KMT2E: variants seen among roughly 807,000 people sequenced by gnomAD.
KMT2E encodes lysine methyltransferase 2E (inactive).
Under a neutral mutation model 184.6 loss-of-function variants are expected in KMT2E, and 30 were observed. That is an observed-to-expected ratio of 0.16 (90% CI 0.12 to 0.22). The LOEUF (loss-of-function observed/expected upper bound fraction) is 0.22, where lower values mean the gene tolerates loss of function less well. Ranked by LOEUF, KMT2E falls within the 10% of genes least tolerant of loss-of-function variation. KMT2E has a pLI of 1.00. For synonymous variants in KMT2E, 815 were observed against 776.5 expected (o/e 1.05, Z -0.82); for missense variants, 2,023 against 2,237.4 (o/e 0.90, Z 1.93).
chr7:105,101,371 T>C (rs1474125345), intron 15 of KMT2E, 54 bp from the exon 16 acceptor site: 26 of 1,249,000 alleles, frequency 2.1e-5, no homozygotes, highest in Non-Finnish European at 2.5e-5. Flanking sequence ...TTGGACTTAA[T>C]TTTACTTTTG....
At chr7:105,084,040 A>G (rs1292401853) in intron 13 of KMT2E, among the ~76,000 whole-genome samples, 2 of 152,188 alleles carry the variant, frequency 1.3e-5, no homozygotes, top group Admixed American at 6.5e-5. Flanking sequence ...TAAAAGCTTC[A>G]TTTGCAATAC....
intron 17 of KMT2E, chr7:105,105,099 C>T (rs534129390): frequency 1.5e-4 from 27 of 175,332 alleles, no homozygotes; most frequent in Middle Eastern, 5.1e-3. Flanking sequence ...GCCCAGGGGG[C>T]GGAGGCTTCA....
At chr7:105,023,257 C>T (rs940819947) in intron 1 of KMT2E, among the ~76,000 whole-genome samples, 4 of 151,888 alleles carry the variant, frequency 2.6e-5, no homozygotes, top group Admixed American at 2.6e-4. Flanking sequence ...AAAAAATTAG[C>T]TGGGCGTGGT....
At chr7:105,110,973 T>G in intron 26 of KMT2E, 105 bp downstream of exon 26, 1 of 752,448 alleles carries the variant, frequency 1.3e-6, no homozygotes, top group East Asian at 2.6e-5. Context: ...AAGTATCAAC[T>G]TGTGACTTCT....
chr7:105,105,603 T>G lies in KMT2E; in HGVS notation c.2361T>G (p.Pro787=). Residue 787 remains proline, a synonymous_variant, in exon 18 of 27, where the codon CCT becomes CCG. Coordinates refer to ENST00000311117, the MANE Select transcript of KMT2E (RefSeq NM_182931.3). ...ACAGCCCCCATGTATACTCCACTCCTAAGCATTATATTAGATTTACTTCAC... is the reference window on the plus strand; with the variant it reads ...ACAGCCCCCATGTATACTCCACTCCGAAGCATTATATTAGATTTACTTCAC... ...LTYSPHVYST[P]KHYIRFTSPF... is the part of the protein sequence containing the mutation. 1 of 1,613,608 alleles carries G rather than the reference T, an allele frequency of 6.2e-7. No homozygotes were observed. Among genetic ancestry groups the G allele is most frequent in the Non-Finnish European group, 8.5e-7 (1 of 1,179,598 alleles).
Position 105,101,560 on chromosome 7 carries a change from C to G in KMT2E, c.1858C>G (p.Gln620Glu), listed in dbSNP as rs1447121591. 6.4e-7 allele frequency: 1 copy of G among 1,564,176 alleles called. No individual in the cohort carries two copies. Among genetic ancestry groups the G allele is most frequent in the Non-Finnish European group, 8.6e-7 (1 of 1,162,550 alleles). The change falls in exon 16 of 27, where the codon CAG (glutamine) becomes GAG (glutamate). Residue 620 changes from glutamine (Q) to glutamate (E), a missense_variant. Physicochemically the swap from Gln to Glu is conservative, Grantham distance 29. Transcript: ENST00000311117. ...AGTTAAAACTGAATGTAAAGATACA[C>G]AGATTGTCAGTGATGCTGAAGTTAT... ...TEVKTECKDT[Q>E]IVSDAEVIQE...
intron 9 of KMT2E, among the ~76,000 whole-genome samples, chr7:105,076,292 A>G (rs1402703905): frequency 6.6e-6 from 1 of 152,232 alleles, no homozygotes; most frequent in East Asian, 1.9e-4. Flanking sequence ...AGGGGGAGGT[A>G]TATAAGCAAT....
chr7:105,091,467 A>G (rs1415751404), intron 15 of KMT2E, 153 bp downstream of exon 15: 2 of 652,472 alleles, frequency 3.1e-6, no homozygotes, highest in African/African-American at 1.8e-5. Context: ...TGCCATTTAA[A>G]TAAATTCCAT....
chr7:105,081,851 C>A (rs1048482351), intron 13 of KMT2E, 54 bp downstream of exon 13: 1 of 737,052 alleles, frequency 1.4e-6, no homozygotes, highest in Non-Finnish European at 2.3e-6. Flanking sequence ...TCCATAATGT[C>A]CCTGTAATAA....
At chr7:105,111,700 T>C in intron 26 of KMT2E, 125 bp from the exon 27 acceptor site, 2 of 1,125,612 alleles carry the variant, frequency 1.8e-6, no homozygotes, top group African/African-American at 3.2e-5. Flanking sequence ...AATTGACGTA[T>C]CCAGGATGTT....
intron 15 of KMT2E, among the ~76,000 whole-genome samples, chr7:105,099,920 G>C (rs1798583757): frequency 6.6e-6 from 1 of 152,056 alleles, no homozygotes; most frequent in Admixed American, 6.6e-5. Flanking sequence ...GAGAAGCCCT[G>C]ATAAAAACAG....
chr7:105,113,201 T>G lies in KMT2E; in HGVS notation c.5445T>G (p.Pro1815=). 1 of 1,614,238 alleles carries G rather than the reference T, an allele frequency of 6.2e-7. No homozygotes were observed. The highest frequency in any genetic ancestry group is 8.5e-7 in the Non-Finnish European group (1 of 1,180,042). Residue 1815 remains proline (P), a synonymous_variant, in exon 27 of 27, where the codon CCT becomes CCG. Transcript: ENST00000311117. The stretch of plus-strand genomic sequence containing the variant: ...CTGCTTCAGGGTTCTGTCCTCATCC[T>G]GGCTCTGTGGCCCTGCCACATGGGG... ...TPTASGFCPH[P]GSVALPHGVQ...
At chr7:105,104,437 CAACATTTGGGGAGGTTA>C (rs1457162501) in intron 17 of KMT2E, 2 of 152,100 alleles carry the variant, frequency 1.3e-5, no homozygotes, top group Non-Finnish European at 2.9e-5. Flanking sequence ...CCTGCAATCC[CAACATTTGGGGAGGTTA>C]AGGTGGGAGG....
intron 3 of KMT2E, among the ~76,000 whole-genome samples, chr7:105,050,411 C>T (rs1796279988): frequency 6.6e-6 from 1 of 152,104 alleles, no homozygotes; most frequent in Admixed American, 6.5e-5. Context: ...GTCCCCTCTC[C>T]TTTTAAAAAA....
chr7:105,112,741 T>A lies in KMT2E; in HGVS notation c.4985T>A (p.Val1662Asp). Residue 1662 changes from valine (V) to aspartate (D), a missense_variant, in exon 27 of 27, where the codon GTC (valine) becomes GAC (aspartate). By Grantham distance (152) the Val-to-Asp change is radical (BLOSUM62 -3). Around this residue, in one of 8 missense-constraint regions of KMT2E, gnomAD observed 1,108 missense variants for 1,050.9 expected, o/e 1.05. Coordinates refer to ENST00000311117, the MANE Select transcript of KMT2E (RefSeq NM_182931.3). ...CATGTAGTAGGGCCTGTTCATGCGG[T>A]CACCCCTGGGTCGCATATTCATTCT... ...VAHVVGPVHA[V>D]TPGSHIHSQT... is the part of the protein sequence containing the mutation. The A allele has an allele frequency of 1.2e-6, 2 of 1,613,466 alleles. No individual in the cohort carries two copies. Among genetic ancestry groups the A allele is most frequent in the Non-Finnish European group, 1.7e-6 (2 of 1,179,898 alleles).
intron 26 of KMT2E, 121 bp from the exon 27 acceptor site, chr7:105,111,703 AG>A (rs1554402070): frequency 4.3e-6 from 5 of 1,152,312 alleles, no homozygotes; most frequent in Non-Finnish European, 6.0e-6. Flanking sequence ...TGACGTATCC[AG>A]GATGTTATTT....
At chr7:105,045,805 T>C (rs531103326) in intron 3 of KMT2E, among the ~76,000 whole-genome samples, 4 of 152,344 alleles carry the variant, frequency 2.6e-5, no homozygotes, top group Non-Finnish European at 5.9e-5. Context: ...TTTGGTTTTA[T>C]AGCTAGGAGT....
At chr7:105,078,334 A>G (rs918316889) in intron 11 of KMT2E, among the ~76,000 whole-genome samples, 1 of 152,164 alleles carries the variant, frequency 6.6e-6, no homozygotes. Context: ...GCAGGTAAAA[A>G]TCTCATTAGC....
intron 1 of KMT2E, among the ~76,000 whole-genome samples, chr7:105,019,871 C>T (rs1230467665): frequency 1.3e-5 from 2 of 151,984 alleles, no homozygotes; most frequent in Non-Finnish European, 2.9e-5. Context: ...CTTTGGGAGG[C>T]CGAGGCAGGC....
Sources: allele counts gnomAD v4.1 joint callset (sites outside exome capture counted in the v4.1 genomes callset), GRCh38; gene constraint gnomAD v4.1.1; regional missense constraint gnomAD v4.1.1; transcripts MANE v1.5; gene names NCBI Gene and HGNC (gene_info 2026-07-23, HGNC 2026-07-21).